NBPF26: variants seen among roughly 807,000 people sequenced by gnomAD.
NBPF26 encodes the protein NBPF member 26, also known as NBPF family member NBPF26.
NBPF26 carries 79 observed loss-of-function variants against 119.6 expected under a neutral mutation model. That is an observed-to-expected ratio of 0.66 (90% CI 0.55 to 0.80). The LOEUF (loss-of-function observed/expected upper bound fraction) is 0.80, where lower values mean the gene tolerates loss of function less well. Ranked by LOEUF, NBPF26 falls within the 30% of genes least tolerant of loss-of-function variation. The pLI, the probability that NBPF26 is intolerant of heterozygous loss-of-function variation, is 0.00. For synonymous variants in NBPF26, 299 were observed against 457.7 expected (o/e 0.65, Z 4.43); for missense variants, 800 against 1,198.2 (o/e 0.67, Z 4.91).
chr1:120,802,428 G>C (rs1159383838), intron 4 of NBPF26, among the ~76,000 whole-genome samples: 1 of 126,514 alleles, frequency 7.9e-6, no homozygotes, highest in Non-Finnish European at 1.6e-5. Context: ...AAACTGTTGA[G>C]TGAACCTAGA....
At chr1:120,770,216 C>T (rs1240661161) in intron 2 of NBPF26, among the ~76,000 whole-genome samples, 3,651 of 99,382 alleles carry the variant, frequency 0.037, 555 homozygotes, top group African/African-American at 0.1. Context: ...GTGGCCCAGG[C>T]TGGAGTGCAG....
At position 120,784,949 on chromosome 1, in the gene NBPF26, A is replaced by G; in HGVS notation, c.156-25A>G. On this transcript the variant is annotated intron_variant, in intron 2 of 29. Coordinates refer to ENST00000620612, the Ensembl canonical transcript of NBPF26. ...GACTTACAAGAAGTCAGGTGTTTTCATGGACTCTTCTCTTTTCCATACAGA... is the reference window on the plus strand; with the variant it reads ...GACTTACAAGAAGTCAGGTGTTTTCGTGGACTCTTCTCTTTTCCATACAGA... 2.3e-6 allele frequency: 3 copies of G among 1,326,228 alleles called. 1 individual carries two copies. Among genetic ancestry groups the G allele is most frequent in the Non-Finnish European group, 3.1e-6 (3 of 979,022 alleles). The allele number at this position is 1,326,228 out of a possible 1,614,324, so 82.2% of individuals were successfully genotyped here.
chr1:120,724,962 GCTGTTTCAGGCT>G (rs1650802059), intron 1 of NBPF26, among the ~76,000 whole-genome samples: 1 of 63,214 alleles, frequency 1.6e-5, no homozygotes, highest in East Asian at 3.3e-4. Flanking sequence ...GAGCTCTGCT[GCTGTTTCAGGCT>G]GTGTCCAGAC....
At position 120,790,381 on chromosome 1, in the gene NBPF26, T is replaced by A. The variant is rs1415594998; in HGVS notation, c.416-2780T>A. Among the ~76,000 whole-genome samples the A allele has an allele frequency of 6.1e-5, 7 of 114,770 alleles. 2 individuals are homozygous for A. The East Asian group carries it at 1.5e-3, about 25-fold the overall frequency. The allele number at this position is 114,770 out of a possible 152,430, so 75.3% of individuals were successfully genotyped here. A position where few individuals can be genotyped will look rare whatever the true frequency, so the allele number is the denominator to read the frequency against. On this transcript the variant is annotated intron_variant, in intron 3 of 29. Transcript: ENST00000620612. ...CTTTAGGAATCATCACAGATCAAGG[T>A]CATCCTTTTGGTTTTTGTGATAGCA...
chr1:120,756,741 A>G lies in NBPF26; in HGVS notation c.74-6887A>G, dbSNP rs1414641465. On this transcript the variant is annotated intron_variant, in intron 1 of 29. Transcript: ENST00000620612. ...CTGGTATGATACTGAAAAGCATTGG[A>G]AAACTTAGGTAAATGCCTAGAGGAA... Among the ~76,000 whole-genome samples, 4 of 114,654 alleles carry G rather than the reference A, an allele frequency of 3.5e-5. 2 individuals carry two copies. The highest frequency in any genetic ancestry group is 6.6e-5 in the Non-Finnish European group (4 of 60,476). 75.2% of individuals were successfully genotyped at this position (114,654 alleles called of 152,430 possible).
intron 3 of NBPF26, among the ~76,000 whole-genome samples, chr1:120,791,450 T>G (rs1181925307): frequency 9.6e-6 from 1 of 104,708 alleles, no homozygotes; most frequent in Non-Finnish European, 1.8e-5. Context: ...ATATACACCA[T>G]GGAATACTAT....
At chr1:120,840,647 C>T (rs1487034277), downstream of NBPF26, 39 of 1,447,012 alleles carry the variant, frequency 2.7e-5, 7 homozygotes, top group African/African-American at 2.0e-4. Context: ...CCTATAGGCA[C>T]GTGAAGATTT....
At chr1:120,767,720 T>C (rs1651209482) in intron 2 of NBPF26, among the ~76,000 whole-genome samples, 1 of 115,684 alleles carries the variant, frequency 8.6e-6, no homozygotes. Context: ...ATGTCATTAA[T>C]CACTTTCAAG....
chr1:120,758,234 A>G (rs1328718383), intron 1 of NBPF26, among the ~76,000 whole-genome samples: 1 of 121,178 alleles, frequency 8.3e-6, no homozygotes, highest in Non-Finnish European at 1.6e-5. Flanking sequence ...CCAGCATGGG[A>G]GCCTAGACTG....
chr1:120,817,008 T>C (rs1467903269), intron 14 of NBPF26, among the ~76,000 whole-genome samples, 181 bp downstream of exon 14: 1 of 119,332 alleles, frequency 8.4e-6, no homozygotes, highest in Non-Finnish European at 1.6e-5. Context: ...CAGTCCCCAG[T>C]ATCAAGTTAC....
At chr1:120,724,014 C>G in exon 1 of NBPF26, 1 of 1,232,960 alleles carries the variant, frequency 8.1e-7, no homozygotes, top group Non-Finnish European at 1.0e-6. Context: ...GGAGTCGAGG[C>G]ATTTGCACCT....
In NBPF26 at chr1:120,727,142, ACT is replaced by A. The variant is rs1408369238; in HGVS notation, c.73+2895_73+2896del. 4.3e-3 allele frequency among the ~76,000 whole-genome samples: 463 copies of A among 106,552 alleles called. 88 individuals carry two copies. The highest frequency in any genetic ancestry group is 0.024 in the African/African-American group (432 of 18,030). The allele number at this position is 106,552 out of a possible 152,430, so 69.9% of individuals were successfully genotyped here. ...ACCTCTCCCATTATGGTAGAAAAAAACTCTGTGTCCTGGCTACATCAAAATCT... is the reference window on the plus strand; with the variant it reads ...ACCTCTCCCATTATGGTAGAAAAAAACTGTGTCCTGGCTACATCAAAATCT... On this transcript the variant is annotated intron_variant, in intron 1 of 29. Transcript: ENST00000620612.
In NBPF26 at chr1:120,770,057, T is replaced by C. The variant is rs1304584732; in HGVS notation, c.155+6348T>C. Among the ~76,000 whole-genome samples the C allele has an allele frequency of 1.4e-4, 16 of 117,142 alleles. 2 individuals carry two copies. In the South Asian group the frequency reaches 3.5e-3, roughly 26 times the overall value. 76.8% of individuals were successfully genotyped at this position (117,142 alleles called of 152,430 possible). On this transcript the variant is annotated intron_variant, in intron 2 of 29. Transcript: ENST00000620612. Reference sequence around the variant, plus strand: ...TCAAAATTTTAAATAAGGAGATCAGTACTACTGATTTTTTCTTTTGCCTTA... The same window carrying C: ...TCAAAATTTTAAATAAGGAGATCAGCACTACTGATTTTTTCTTTTGCCTTA...
chr1:120,787,964 C>T (rs1298542665), intron 3 of NBPF26, among the ~76,000 whole-genome samples: 1 of 110,960 alleles, frequency 9.0e-6, no homozygotes, highest in Non-Finnish European at 1.7e-5. Flanking sequence ...TTGATGACTA[C>T]CTTCTTCTAC....
exon 8 of NBPF26, chr1:120,809,813 A>G (rs1651813261): frequency 6.5e-7 from 1 of 1,528,554 alleles, no homozygotes; most frequent in Admixed American, 1.8e-5. Context: ...ATTTATAGAA[A>G]ATGACGAAGA....
chr1:120,805,386 C>T lies in NBPF26; in HGVS notation c.752-170C>T. On this transcript the variant is annotated intron_variant, in intron 4 of 29. Transcript: ENST00000620612. The stretch of plus-strand genomic sequence containing the variant: ...GTGCTTTCAGCTCTGAGTTGAGGCA[C>T]CTCGAACCTTGTTTTTGTGGTGAAG... 6 of 1,119,384 alleles carry T rather than the reference C, an allele frequency of 5.4e-6. 1 individual carries two copies. Among genetic ancestry groups the T allele is most frequent in the Admixed American group, 2.4e-5 (1 of 42,004 alleles). The allele number at this position is 1,119,384 out of a possible 1,614,324, so 69.3% of individuals were successfully genotyped here. A position where few individuals can be genotyped will look rare whatever the true frequency, so the allele number is the denominator to read the frequency against.
In NBPF26 at chr1:120,765,741, C is replaced by T. The variant is rs1158026492; in HGVS notation, c.155+2032C>T. On this transcript the variant is annotated intron_variant, in intron 2 of 29. Transcript: ENST00000620612. ...ACTTGGAACCAACCCAAATGCCCAACGGTGATAGACTGGATAAAGAAAATG... is the reference window on the plus strand; with the variant it reads ...ACTTGGAACCAACCCAAATGCCCAATGGTGATAGACTGGATAAAGAAAATG... Among the ~76,000 whole-genome samples the T allele has an allele frequency of 9.2e-5, 11 of 120,116 alleles. 1 individual carries two copies. Among genetic ancestry groups the T allele is most frequent in the East Asian group, 6.2e-4 (3 of 4,832 alleles). 78.8% of individuals were successfully genotyped at this position (120,116 alleles called of 152,430 possible).
intron 10 of NBPF26, among the ~76,000 whole-genome samples, chr1:120,812,904 C>G (rs1651903565): frequency 9.2e-6 from 1 of 108,844 alleles, no homozygotes. Flanking sequence ...GCCTGGGCGA[C>G]AGGGCAAGAC....
At position 120,793,408 on chromosome 1, in the gene NBPF26, G is replaced by C. The variant is rs1235253322; in HGVS notation, c.663G>C (p.Leu221=). The change falls in exon 4 of 30, where the codon CTG becomes CTC. Residue 221 remains leucine (L), a synonymous_variant. Coordinates refer to ENST00000620612, the Ensembl canonical transcript of NBPF26. Reference sequence around the variant, plus strand: ...TCACAGGCCAGTACTGTGACAGACTGTATGTGCCCTGTGCACACTCGCCTT... The same window carrying C: ...TCACAGGCCAGTACTGTGACAGACTCTATGTGCCCTGTGCACACTCGCCTT... 8 of 1,441,728 alleles carry C rather than the reference G, an allele frequency of 5.5e-6. No individual in the cohort carries two copies. The Admixed American group carries it at 9.8e-5, about 18-fold the overall frequency. 89.3% of individuals were successfully genotyped at this position (1,441,728 alleles called of 1,614,324 possible).
Sources: gnomAD v4.1 joint callset for allele counts (sites outside exome capture counted in the v4.1 genomes callset) on GRCh38, gnomAD v4.1.1 for gene constraint, MANE v1.5 for transcripts, NCBI Gene and HGNC (gene_info 2026-07-23, HGNC 2026-07-21) for gene names.